Variants in SMAD9 observed in about 807,000 individuals in gnomAD.
SMAD9 encodes SMAD family member 9, also known as MAD homolog 9.
In SMAD9, 36 loss-of-function variants were observed where a neutral mutation model predicts 46.1. The ratio of observed to expected loss-of-function variants is 0.78; its 90% CI spans 0.60 to 1.03. The LOEUF (loss-of-function observed/expected upper bound fraction) is 1.03. Ranked by LOEUF, SMAD9 falls within the 50% of genes least tolerant of loss-of-function variation. The pLI is 0.00. For missense variants in SMAD9, 572 were observed against 599.8 expected (o/e 0.95, Z 0.48); for synonymous variants, 245 against 237.1 (o/e 1.03, Z -0.31).
At chr13:36,890,965 T>G (rs572799586) in intron 1 of SMAD9, among the ~76,000 whole-genome samples, 6 of 152,254 alleles carry the variant, frequency 3.9e-5, no homozygotes, top group African/African-American at 1.4e-4. Context: ...TATTTTTCAT[T>G]CAGAATCTCT....
chr13:36,863,604 G>A (rs995334259), intron 5 of SMAD9, among the ~76,000 whole-genome samples: 2 of 152,166 alleles, frequency 1.3e-5, no homozygotes, highest in Non-Finnish European at 1.5e-5. Flanking sequence ...GGGTCACACA[G>A]AAGGATCTCT....
At chr13:36,893,417 GAT>G (rs376754668) in intron 1 of SMAD9, among the ~76,000 whole-genome samples, 2 of 144,940 alleles carry the variant, frequency 1.4e-5, no homozygotes, top group South Asian at 2.1e-4. Flanking sequence ...CCCCTTCACA[GAT>G]ATATATATAA....
At chr13:36,850,901 A>C (rs1306076767) in intron 6 of SMAD9, among the ~76,000 whole-genome samples, 1 of 152,178 alleles carries the variant, frequency 6.6e-6, no homozygotes, top group Non-Finnish European at 1.5e-5. Context: ...AACTAACTTC[A>C]TCTTCCTCTT....
intron 1 of SMAD9, among the ~76,000 whole-genome samples, chr13:36,917,489 T>C (rs979932476): frequency 2.6e-5 from 4 of 152,148 alleles, no homozygotes; most frequent in African/African-American, 9.7e-5. Context: ...TTACAACTAT[T>C]TGAGAAGATT....
At chr13:36,919,482 C>G (rs2058724332) in intron 1 of SMAD9, among the ~76,000 whole-genome samples, 1 of 152,236 alleles carries the variant, frequency 6.6e-6, no homozygotes, top group Admixed American at 6.5e-5. Context: ...TCGCATGCCT[C>G]AAAGGTAAAC....
At chr13:36,865,500 G>A (rs763846770) in intron 5 of SMAD9, 37 bp downstream of exon 5, 63 of 1,535,078 alleles carry the variant, frequency 4.1e-5, no homozygotes, top group Admixed American at 6.7e-5. Flanking sequence ...TCTACATTTC[G>A]GCTAGATGAC....
chr13:36,895,054 G>C (rs12020196), intron 1 of SMAD9, among the ~76,000 whole-genome samples: 35,072 of 152,006 alleles, frequency 0.23, 4,169 homozygotes, highest in African/African-American at 0.26. Flanking sequence ...CCGGCAGTCA[G>C]TTCCAGCCAG....
At chr13:36,873,403 A>G (rs1449466136) in intron 2 of SMAD9, among the ~76,000 whole-genome samples, 2 of 152,196 alleles carry the variant, frequency 1.3e-5, no homozygotes, top group African/African-American at 2.4e-5. Flanking sequence ...TTTTTCCTTC[A>G]GAGATCATGT....
In SMAD9 at chr13:36,848,323, A is replaced by G. The variant is rs1026260109; in HGVS notation, c.*353T>C. ...GACTTTTGCTGTATAAACAGTTTCA[A>G]TGTTTCTGTGAGGCCACACAACATG... is the stretch of plus-strand genomic sequence containing the variant. On this transcript the variant is annotated 3_prime_UTR_variant, in exon 7 of 7. Coordinates refer to ENST00000379826, the MANE Select transcript of SMAD9 (RefSeq NM_001127217.3). The G allele has an allele frequency of 8.8e-5, 25 of 283,992 alleles. No homozygotes were observed. The highest frequency in any genetic ancestry group is 3.9e-4 in the African/African-American group (18 of 45,744). The allele number at this position is 283,992 out of a possible 1,614,324, so 17.6% of individuals were successfully genotyped here. A position where few individuals can be genotyped will look rare whatever the true frequency, so the allele number is the denominator to read the frequency against.
At chr13:36,918,158 TA>T (rs1167440490) in intron 1 of SMAD9, among the ~76,000 whole-genome samples, 4 of 152,240 alleles carry the variant, frequency 2.6e-5, no homozygotes, top group Admixed American at 2.6e-4. Flanking sequence ...ATATATAAGT[TA>T]AAAAAATTTT....
chr13:36,918,210 G>A (rs1385879069), intron 1 of SMAD9, among the ~76,000 whole-genome samples: 2 of 152,178 alleles, frequency 1.3e-5, no homozygotes, highest in Admixed American at 1.3e-4. Context: ...GACTTTGAAA[G>A]ACTGATGACA....
At chr13:36,908,687 A>G (rs2058637098) in intron 1 of SMAD9, among the ~76,000 whole-genome samples, 1 of 152,250 alleles carries the variant, frequency 6.6e-6, no homozygotes, top group Admixed American at 6.5e-5. Context: ...AGGAAGTGAC[A>G]TAATAATCGC....
chr13:36,879,729 C>G lies in SMAD9; in HGVS notation c.-40G>C, dbSNP rs1431439150. 1.2e-5 allele frequency: 19 copies of G among 1,610,524 alleles called. No homozygotes were observed. Among genetic ancestry groups the G allele is most frequent in the Non-Finnish European group, 1.6e-5 (19 of 1,179,454 alleles). ...GGCTCCGGCGCGCACGGGAACCGCA[C>G]AGCCCTTCACGGCAAAGTGGGCGGC... On this transcript the variant is annotated 5_prime_UTR_variant, in exon 2 of 7. Coordinates refer to ENST00000379826, the MANE Select transcript of SMAD9 (RefSeq NM_001127217.3).
chr13:36,914,047 C>T (rs1369809774), intron 1 of SMAD9, among the ~76,000 whole-genome samples: 1 of 152,136 alleles, frequency 6.6e-6, no homozygotes, highest in African/African-American at 2.4e-5. Context: ...AATGTACTTC[C>T]CTGGCCAGCT....
intron 1 of SMAD9, among the ~76,000 whole-genome samples, chr13:36,882,781 T>C (rs1002177182): frequency 6.6e-6 from 1 of 152,222 alleles, no homozygotes; most frequent in African/African-American, 2.4e-5. Context: ...GCTTGGCATA[T>C]TTTTAATAGA....
rs1420234993 is a variant in SMAD9, at chr13:36,848,433, T to C, written c.*243A>G. On this transcript the variant is annotated 3_prime_UTR_variant, in exon 7 of 7. Transcript: ENST00000379826. The stretch of plus-strand genomic sequence containing the variant: ...TGTTGACAATATCGCCTCTCAAGTG[T>C]TTCCTCCCACAAAATCTGCTGCTTA... 1.8e-6 allele frequency: 1 copy of C among 542,224 alleles called. No individual in the cohort carries two copies. The highest frequency in any genetic ancestry group is 3.3e-6 in the Non-Finnish European group (1 of 302,610). 33.6% of individuals were successfully genotyped at this position (542,224 alleles called of 1,614,324 possible). A position where few individuals can be genotyped will look rare whatever the true frequency, so the allele number is the denominator to read the frequency against.
chr13:36,906,803 G>A (rs923335696), intron 1 of SMAD9, among the ~76,000 whole-genome samples: 6 of 152,182 alleles, frequency 3.9e-5, no homozygotes, highest in African/African-American at 9.7e-5. Flanking sequence ...TTTGCACATT[G>A]TTGATGAGAA....
chr13:36,910,613 C>G (rs2058653813), intron 1 of SMAD9, among the ~76,000 whole-genome samples: 2 of 152,198 alleles, frequency 1.3e-5, no homozygotes, highest in East Asian at 3.8e-4. Context: ...TCTCTTTTCA[C>G]TCCCTTTGCC....
intron 1 of SMAD9, among the ~76,000 whole-genome samples, chr13:36,913,694 G>C (rs1366917293): frequency 1.3e-5 from 2 of 152,112 alleles, no homozygotes; most frequent in Non-Finnish European, 2.9e-5. Flanking sequence ...AGCTGAAAGG[G>C]AAGCATTCAT....
Sources: gnomAD v4.1 joint callset for allele counts (sites outside exome capture counted in the v4.1 genomes callset) on GRCh38, gnomAD v4.1.1 for gene constraint, MANE v1.5 for transcripts, NCBI Gene and HGNC (gene_info 2026-07-23, HGNC 2026-07-21) for gene names.